FAT3: variants seen among roughly 807,000 people sequenced by gnomAD.
FAT3 encodes the protein FAT atypical cadherin 3, also known as protocadherin Fat 3.
Under a neutral mutation model 310.2 loss-of-function variants are expected in FAT3, and 95 were observed. That is an observed-to-expected ratio of 0.31 (90% CI 0.26 to 0.36). The LOEUF (loss-of-function observed/expected upper bound fraction) is 0.36, where lower values mean the gene tolerates loss of function less well. FAT3 is among the 10% of genes least tolerant of loss of function. The pLI is 1.00. For synonymous variants in FAT3, 2,314 were observed against 2,192.9 expected, an observed-to-expected ratio of 1.06 and a Z score of -1.54; for missense variants, 5,408 against 5,715.6, an observed-to-expected ratio of 0.95 and a Z score of 1.74.
chr11:92,246,424 T>C (rs1035943669), intron 1 of FAT3, among the ~76,000 whole-genome samples: 1 of 151,908 alleles, frequency 6.6e-6, no homozygotes, highest in Non-Finnish European at 1.5e-5. Context: ...GATAATTAAA[T>C]GAGAAAAATT....
intron 2 of FAT3, among the ~76,000 whole-genome samples, chr11:92,500,856 G>A (rs1952917877): frequency 6.6e-6 from 1 of 151,972 alleles, no homozygotes; most frequent in South Asian, 2.1e-4. Context: ...TTAGTCTACT[G>A]CCTACTTTAG....
chr11:92,842,614 G>T (rs1217931260), intron 18 of FAT3, among the ~76,000 whole-genome samples: 1 of 152,218 alleles, frequency 6.6e-6, no homozygotes, highest in Non-Finnish European at 1.5e-5. Flanking sequence ...GCTCACACCT[G>T]TAATCCCAGT....
At chr11:92,290,934 G>A (rs1452629143) in intron 1 of FAT3, among the ~76,000 whole-genome samples, 3 of 151,960 alleles carry the variant, frequency 2.0e-5, no homozygotes, top group South Asian at 2.1e-4. Context: ...TTAGACTGGT[G>A]ATATTTTAAA....
intron 3 of FAT3, among the ~76,000 whole-genome samples, chr11:92,658,765 T>C (rs12270379): frequency 0.028 from 4,290 of 152,220 alleles, 217 homozygotes; most frequent in African/African-American, 0.097. Context: ...GCCCATCACA[T>C]TTTCTGAATG....
In FAT3 at chr11:92,667,612, G is replaced by A. The variant is rs951446049; in HGVS notation, c.3608-29772G>A. 6.6e-5 allele frequency among the ~76,000 whole-genome samples: 10 copies of A among 152,024 alleles called. No homozygotes were observed. In the East Asian group the frequency reaches 1.5e-3, roughly 23 times the overall value. ...TGCAGAGGAGCCAGTGCTGATTAAC[G>A]ACACACACACACAAGCCGCCCAAAG... On this transcript the variant is annotated intron_variant, in intron 3 of 27. Coordinates refer to ENST00000525166, the MANE Select transcript of FAT3 (RefSeq NM_001367949.2).
At chr11:92,267,907 G>A (rs1353175765) in intron 1 of FAT3, among the ~76,000 whole-genome samples, 3 of 152,006 alleles carry the variant, frequency 2.0e-5, no homozygotes, top group Non-Finnish European at 4.4e-5. Context: ...CTGGGGAGTT[G>A]GTTTTCAGAT....
intron 1 of FAT3, among the ~76,000 whole-genome samples, chr11:92,300,273 G>C (rs1443643442): frequency 6.6e-6 from 1 of 152,094 alleles, no homozygotes; most frequent in Admixed American, 6.6e-5. Context: ...GCAAAGCACA[G>C]CCCTTCAATC....
At chr11:92,700,591 G>A (rs775508969) in intron 4 of FAT3, among the ~76,000 whole-genome samples, 5 of 152,150 alleles carry the variant, frequency 3.3e-5, no homozygotes, top group Non-Finnish European at 7.3e-5. Context: ...ATTTCAGCTA[G>A]CAACAGCACA....
chr11:92,285,445 T>A (rs1946537446), intron 1 of FAT3, among the ~76,000 whole-genome samples: 1 of 152,186 alleles, frequency 6.6e-6, no homozygotes, highest in South Asian at 2.1e-4. Context: ...TGTGTAGGAA[T>A]GGGAAAGAGG....
chr11:92,697,484 C>T lies in FAT3; in HGVS notation c.3669+39C>T, dbSNP rs1342084805. On this transcript the variant is annotated intron_variant, in intron 4 of 27. Coordinates refer to ENST00000525166, the MANE Select transcript of FAT3 (RefSeq NM_001367949.2). ...GGGAACTGAAATTCATTAAAACTGACTTTCACTAAACTTCTTTAACCTTCA... is the reference window on the plus strand; with the variant it reads ...GGGAACTGAAATTCATTAAAACTGATTTTCACTAAACTTCTTTAACCTTCA... 9.4e-6 allele frequency: 15 copies of T among 1,589,514 alleles called. No homozygotes were observed. The South Asian group carries it at 1.3e-4, about 14-fold the overall frequency.
chr11:92,672,517 T>A (rs1943160187), intron 3 of FAT3, among the ~76,000 whole-genome samples: 1 of 152,224 alleles, frequency 6.6e-6, no homozygotes, highest in Non-Finnish European at 1.5e-5. Flanking sequence ...GTTTAGGCCC[T>A]GGTGACAAAC....
At chr11:92,501,971 G>A (rs148435938) in intron 2 of FAT3, among the ~76,000 whole-genome samples, 25 of 151,998 alleles carry the variant, frequency 1.6e-4, no homozygotes, top group African/African-American at 5.5e-4. Flanking sequence ...AAATGCACGC[G>A]CGCGTGTGTG....
At chr11:92,759,655 A>G (rs1946094671) in intron 4 of FAT3, among the ~76,000 whole-genome samples, 1 of 152,160 alleles carries the variant, frequency 6.6e-6, no homozygotes, top group Non-Finnish European at 1.5e-5. Context: ...CGCTATGCGT[A>G]GCACTCCTGA....
intron 3 of FAT3, among the ~76,000 whole-genome samples, chr11:92,599,825 A>G (rs1939922964): frequency 6.6e-6 from 1 of 152,188 alleles, no homozygotes; most frequent in Non-Finnish European, 1.5e-5. Flanking sequence ...ACCTTTTAGG[A>G]GCTTAGACTT....
At chr11:92,514,677 A>G (rs909336425) in intron 2 of FAT3, among the ~76,000 whole-genome samples, 2 of 152,144 alleles carry the variant, frequency 1.3e-5, no homozygotes, top group African/African-American at 4.8e-5. Flanking sequence ...TGAATCAGAG[A>G]CAGAGATCAG....
intron 2 of FAT3, among the ~76,000 whole-genome samples, chr11:92,512,116 A>T (rs1476830004): frequency 6.6e-6 from 1 of 152,192 alleles, no homozygotes; most frequent in African/African-American, 2.4e-5. Flanking sequence ...TGGGCAATTC[A>T]CTTAAAATCC....
At chr11:92,416,071 T>TAA (rs398017104) in intron 2 of FAT3, among the ~76,000 whole-genome samples, 248 of 73,852 alleles carry the variant, frequency 3.4e-3, no homozygotes, top group African/African-American at 4.7e-3. Context: ...CCTGGAAGCC[T>TAA]AAAAAAAAAA....
intron 1 of FAT3, among the ~76,000 whole-genome samples, chr11:92,237,732 C>CA (rs529075055): frequency 8.1e-4 from 123 of 152,034 alleles, no homozygotes; most frequent in Middle Eastern, 3.4e-3. Flanking sequence ...ACAGTCCTTC[C>CA]AAAAAATACT....
At chr11:92,767,688 A>G (rs1455477360) in intron 6 of FAT3, among the ~76,000 whole-genome samples, 1 of 152,080 alleles carries the variant, frequency 6.6e-6, no homozygotes, top group African/African-American at 2.4e-5. Context: ...CTGATTTGCA[A>G]GTTTCTCATG....
Sources: gnomAD v4.1 joint callset for allele counts (sites outside exome capture counted in the v4.1 genomes callset) on GRCh38, gnomAD v4.1.1 for gene constraint, MANE v1.5 for transcripts, NCBI Gene and HGNC (gene_info 2026-07-23, HGNC 2026-07-21) for gene names.